TGFBRAP1: variants seen among roughly 807,000 people sequenced by gnomAD.
TGFBRAP1 encodes the protein transforming growth factor beta receptor associated protein 1.
TGFBRAP1 carries 20 observed loss-of-function variants against 83.2 expected under a neutral mutation model. The observed-to-expected ratio is 0.24, with a 90% confidence interval of 0.17 to 0.35. The LOEUF (loss-of-function observed/expected upper bound fraction) is 0.35. Among genes scored for constraint, TGFBRAP1 ranks in the 10% least tolerant of loss-of-function variants. The pLI, the probability that TGFBRAP1 is intolerant of heterozygous loss-of-function variation, is 1.00. For synonymous variants in TGFBRAP1, 415 were observed against 459.8 expected, an observed-to-expected ratio of 0.90 and a Z score of 1.25; for missense variants, 950 against 1,099.4, an observed-to-expected ratio of 0.86 and a Z score of 1.92.
chr2:105,320,634 C>T (rs1679028870), intron 1 of TGFBRAP1, among the ~76,000 whole-genome samples: 1 of 152,166 alleles, frequency 6.6e-6, no homozygotes, highest in South Asian at 2.1e-4. Flanking sequence ...AAAATTTTAA[C>T]CTCAGCCAAC....
chr2:105,311,204 C>G (rs1401755411), intron 1 of TGFBRAP1, among the ~76,000 whole-genome samples: 1 of 150,526 alleles, frequency 6.6e-6, no homozygotes, highest in Admixed American at 6.6e-5. Flanking sequence ...AGTCATAACT[C>G]TATAATATTT....
Position 105,267,378 on chromosome 2 carries a change from G to A in TGFBRAP1, c.*5C>T, listed in dbSNP as rs748985933. ...AGTTCCCCTCGCACCCTTGGGCCAA[G>A]CTTTTCAAGTCCGAGTGCCAGGACT... is the stretch of plus-strand genomic sequence containing the variant. On this transcript the variant is annotated 3_prime_UTR_variant, in exon 12 of 12. Transcript: ENST00000393359. 6.2e-7 allele frequency: 1 copy of A among 1,614,006 alleles called. No homozygotes were observed. Among genetic ancestry groups the A allele is most frequent in the Non-Finnish European group, 8.5e-7 (1 of 1,180,000 alleles).
At chr2:105,318,097 T>C (rs1678942446) in intron 1 of TGFBRAP1, among the ~76,000 whole-genome samples, 2 of 152,218 alleles carry the variant, frequency 1.3e-5, no homozygotes, top group African/African-American at 2.4e-5. Flanking sequence ...GAGTAAGCCA[T>C]GACTCTACTC....
At chr2:105,261,709 G>A (rs538757905), downstream of TGFBRAP1, among the ~76,000 whole-genome samples, 9 of 152,200 alleles carry the variant, frequency 5.9e-5, no homozygotes, top group Middle Eastern at 3.4e-3. Context: ...CCGAGATCAC[G>A]CCACTGCACT....
rs1678585501 is a variant in TGFBRAP1 at position 105,308,249 on chromosome 2, A to G, written c.53T>C (p.Leu18Pro). 1 of 1,614,216 alleles carries G rather than the reference A, an allele frequency of 6.2e-7. No individual in the cohort carries two copies. The highest frequency in any genetic ancestry group is 8.5e-7 in the Non-Finnish European group (1 of 1,180,034). Reference protein sequence around the residue: ...TLVSAVERELLMGDKERVNIE... With the variant: ...TLVSAVERELPMGDKERVNIE... ...GTTGACGCGCTCCTTGTCGCCCATC[A>G]GCAGCTCCCGCTCCACAGCAGAGAC... The change falls in exon 2 of 12, where the codon CTG (leucine) becomes CCG (proline). Residue 18 changes from leucine (L) to proline (P), a missense_variant. Leu to Pro is a moderately conservative substitution (Grantham distance 98, BLOSUM62 -3). Transcript: ENST00000393359.
chr2:105,317,227 A>T (rs920753776), intron 1 of TGFBRAP1, among the ~76,000 whole-genome samples: 1 of 152,092 alleles, frequency 6.6e-6, no homozygotes, highest in Non-Finnish European at 1.5e-5. Flanking sequence ...TCACGAGGTC[A>T]AAAGATGGAG....
At chr2:105,307,371 A>G (rs1342766390) in intron 2 of TGFBRAP1, among the ~76,000 whole-genome samples, 3 of 152,196 alleles carry the variant, frequency 2.0e-5, no homozygotes, top group African/African-American at 4.8e-5. Context: ...ACACCACCAG[A>G]GCTGTCTTCA....
intron 1 of TGFBRAP1, among the ~76,000 whole-genome samples, chr2:105,314,619 T>A (rs1039553995): frequency 5.3e-5 from 8 of 151,216 alleles, no homozygotes; most frequent in Non-Finnish European, 1.2e-4. Flanking sequence ...GTATTAGGAG[T>A]CTTTGCCAGT....
Position 105,269,533 on chromosome 2 carries a change from G to GA in TGFBRAP1, c.2144dup (p.Phe716LeufsTer34), listed in dbSNP as rs779915969. On this transcript the variant is annotated frameshift_variant, in exon 11 of 12. Coordinates refer to ENST00000393359, the MANE Select transcript of TGFBRAP1 (RefSeq NM_004257.6). LOFTEE classifies it high-confidence loss of function. The surrounding 1 kb of genome is among the most constrained non-coding windows in gnomAD (Gnocchi z 4.1). ...GGTAGATGGCCAGCAGCGTGTGAAA[G>GA]AGTTGCTGGCGGTGGGGTGGGTCTC... The GA allele has an allele frequency of 1.2e-6, 2 of 1,612,516 alleles. No homozygotes were observed. The highest frequency in any genetic ancestry group is 1.7e-6 in the Non-Finnish European group (2 of 1,179,030).
chr2:105,282,365 T>A (rs2576742), intron 5 of TGFBRAP1, among the ~76,000 whole-genome samples: 120,373 of 152,224 alleles, frequency 0.79, 47,748 homozygotes, highest in African/African-American at 0.83. Context: ...TCTCTTAAGT[T>A]TCAACCATAA....
the TGFBRAP1 span, among the ~76,000 whole-genome samples, chr2:105,258,968 C>T: frequency 6.6e-6 from 1 of 152,194 alleles, no homozygotes; most frequent in Non-Finnish European, 1.5e-5. Flanking sequence ...AAATCGAGCA[C>T]AGATGGGAAA....
intron 3 of TGFBRAP1, among the ~76,000 whole-genome samples, chr2:105,297,579 C>A (rs946713605): frequency 6.6e-6 from 1 of 152,198 alleles, no homozygotes; most frequent in African/African-American, 2.4e-5. Flanking sequence ...GAACAAAAAC[C>A]CTTAAGTGGC....
chr2:105,256,567 A>G, the TGFBRAP1 span, among the ~76,000 whole-genome samples: 4 of 152,308 alleles, frequency 2.6e-5, no homozygotes, highest in South Asian at 2.1e-4. Flanking sequence ...TCAGTTTACA[A>G]GAAGGTATTC....
intron 6 of TGFBRAP1, among the ~76,000 whole-genome samples, chr2:105,278,971 A>G (rs1677439952): frequency 6.6e-6 from 1 of 151,868 alleles, no homozygotes; most frequent in East Asian, 1.9e-4. Flanking sequence ...GACATCTCAG[A>G]TACTAGCACA....
At chr2:105,254,048 G>A in the TGFBRAP1 span, among the ~76,000 whole-genome samples, 8 of 151,114 alleles carry the variant, frequency 5.3e-5, no homozygotes, top group Non-Finnish European at 1.2e-4. Context: ...TCCTATTTTG[G>A]ATATTCAAGG....
chr2:105,276,735 A>T (rs1490513674), intron 7 of TGFBRAP1, among the ~76,000 whole-genome samples: 2 of 151,770 alleles, frequency 1.3e-5, no homozygotes, highest in Non-Finnish European at 2.9e-5. Flanking sequence ...ACCCAAATCT[A>T]CTCTTGGCCA....
intron 1 of TGFBRAP1, among the ~76,000 whole-genome samples, chr2:105,315,257 A>ATTC (rs1345519835): frequency 1.4e-4 from 22 of 152,198 alleles, no homozygotes; most frequent in African/African-American, 4.6e-4. Context: ...TCATCTTAGA[A>ATTC]GGCTTTTCTG....
intron 1 of TGFBRAP1, among the ~76,000 whole-genome samples, chr2:105,310,930 A>C (rs1678669262): frequency 6.6e-6 from 1 of 152,198 alleles, no homozygotes; most frequent in African/African-American, 2.4e-5. Flanking sequence ...CCTTTGCGGA[A>C]GGAATAGAGA....
At position 105,307,713 on chromosome 2, in the gene TGFBRAP1, C is replaced by T. The variant is rs756815583; in HGVS notation, c.589G>A (p.Val197Ile). 31 of 1,614,026 alleles carry T rather than the reference C, an allele frequency of 1.9e-5. 1 individual carries two copies. Among genetic ancestry groups the T allele is most frequent in the East Asian group, 4.5e-5 (2 of 44,878 alleles). The stretch of plus-strand genomic sequence containing the variant: ...CAGTAGGGAAACAGGTCCTGGGAGA[C>T]GCCTGTGCTGTAATTGTGGATGATG... ...QYIIHNYSTG[V>I]SQDLFPYCSE... The change falls in exon 2 of 12, where the codon GTC becomes ATC. Residue 197 changes from valine to isoleucine, a missense_variant. Physicochemically the swap from Val to Ile is conservative, Grantham distance 29. Coordinates refer to ENST00000393359, the MANE Select transcript of TGFBRAP1 (RefSeq NM_004257.6).
Sources: allele counts gnomAD v4.1 joint callset (sites outside exome capture counted in the v4.1 genomes callset), GRCh38; gene constraint gnomAD v4.1.1; non-coding constraint Gnocchi (gnomAD v3.1); transcripts MANE v1.5; gene names NCBI Gene and HGNC (gene_info 2026-07-23, HGNC 2026-07-21).